The following LRRC20 variants were observed in gnomAD, a reference collection of about 807,000 sequenced individuals.
LRRC20 encodes leucine-rich repeat-containing protein 20.
In LRRC20, 11 loss-of-function variants were observed where a neutral mutation model predicts 14.4. The observed-to-expected ratio is 0.77, with a 90% confidence interval of 0.48 to 1.27. The LOEUF is 1.27. Among genes scored for constraint, LRRC20 ranks in the 50% most tolerant of loss-of-function variants. The pLI, the probability that LRRC20 is intolerant of heterozygous loss-of-function variation, is 0.00. For synonymous variants in LRRC20, 121 were observed against 107.3 expected (o/e 1.13, Z -0.79); for missense variants, 219 against 251.2 (o/e 0.87, Z 0.87).
intron 1 of LRRC20, among the ~76,000 whole-genome samples, chr10:70,377,694 G>A (rs1403130308): frequency 1.3e-5 from 2 of 152,216 alleles, no homozygotes; most frequent in Admixed American, 1.3e-4. Context: ...GGGGCATGGG[G>A]ACAGTGCTAA....
At chr10:70,316,613 C>T (rs978891676) in intron 4 of LRRC20, among the ~76,000 whole-genome samples, 1 of 152,250 alleles carries the variant, frequency 6.6e-6, no homozygotes, top group Non-Finnish European at 1.5e-5. Flanking sequence ...TGCTACTTCC[C>T]TGCAGGTGGA....
chr10:70,345,609 T>G (rs2137038090), intron 2 of LRRC20, among the ~76,000 whole-genome samples: 1 of 152,182 alleles, frequency 6.6e-6, no homozygotes, highest in Middle Eastern at 3.4e-3. Context: ...TAAGACCACC[T>G]GAGAAGGAAA....
chr10:70,350,146 C>A (rs1042793914), intron 2 of LRRC20, among the ~76,000 whole-genome samples: 1 of 146,410 alleles, frequency 6.8e-6, no homozygotes, highest in African/African-American at 2.8e-5. Context: ...CGGTCACAGA[C>A]CCCGACAGGG....
chr10:70,304,030 T>C (rs944505340), intron 4 of LRRC20, among the ~76,000 whole-genome samples: 6 of 152,180 alleles, frequency 3.9e-5, no homozygotes, highest in African/African-American at 1.4e-4. Context: ...CGCCTCAGTT[T>C]TTTTTTTAAA....
chr10:70,365,319 A>G (rs750345153), intron 2 of LRRC20, among the ~76,000 whole-genome samples: 1 of 152,034 alleles, frequency 6.6e-6, no homozygotes, highest in African/African-American at 2.4e-5. Context: ...CGGCCTCCCA[A>G]AGTTCTGGGA....
intron 3 of LRRC20, among the ~76,000 whole-genome samples, chr10:70,332,838 C>T (rs899515830): frequency 1.3e-4 from 20 of 152,218 alleles, no homozygotes; most frequent in East Asian, 3.8e-4. Context: ...TCTCTGGACA[C>T]GGACTTGGAT....
chr10:70,340,150 C>G (rs1177653154), intron 3 of LRRC20, among the ~76,000 whole-genome samples: 1 of 151,568 alleles, frequency 6.6e-6, no homozygotes, highest in Non-Finnish European at 1.5e-5. Context: ...AAAATGCCAA[C>G]ATCCCTGGCA....
At chr10:70,344,568 G>A (rs540452810) in intron 2 of LRRC20, among the ~76,000 whole-genome samples, 48 of 152,112 alleles carry the variant, frequency 3.2e-4, no homozygotes, top group African/African-American at 9.2e-4. Flanking sequence ...ATTTATTTTC[G>A]TTTTGTTTTG....
intron 2 of LRRC20, among the ~76,000 whole-genome samples, chr10:70,356,761 G>A (rs567081949): frequency 2.2e-4 from 34 of 151,644 alleles, no homozygotes; most frequent in African/African-American, 8.0e-4. Context: ...TGAGGCAGAA[G>A]AATTGCTTGA....
At chr10:70,319,968 G>A (rs372072939) in intron 4 of LRRC20, among the ~76,000 whole-genome samples, 4 of 152,164 alleles carry the variant, frequency 2.6e-5, no homozygotes, top group African/African-American at 4.8e-5. Flanking sequence ...CTGGGAAAGG[G>A]AGAAGCCCCT....
intron 4 of LRRC20, among the ~76,000 whole-genome samples, chr10:70,304,497 T>C (rs1841339974): frequency 7.8e-6 from 1 of 127,532 alleles, no homozygotes; most frequent in Non-Finnish European, 1.6e-5. Flanking sequence ...TATATATATA[T>C]ATATATATAT....
rs532757531 is a variant in LRRC20, at chr10:70,372,530, C to T, written c.82+3922G>A. ...AATCTCAGCTCACTGCAGGCTCCAC[C>T]TCCCAGGTTCACACCATTCTCCTGC... On this transcript the variant is annotated intron_variant, in intron 2 of 4. Coordinates refer to ENST00000446961, the MANE Select transcript of LRRC20 (RefSeq NM_001278212.2). Among the ~76,000 whole-genome samples the T allele has an allele frequency of 2.0e-5, 3 of 151,666 alleles. No individual in the cohort carries two copies. The East Asian group carries it at 5.9e-4, about 30-fold the overall frequency.
chr10:70,301,856 T>G (rs899135071), intron 4 of LRRC20, among the ~76,000 whole-genome samples: 12 of 152,226 alleles, frequency 7.9e-5, no homozygotes, highest in African/African-American at 2.7e-4. Flanking sequence ...ATAGCAGCAC[T>G]ATTTATAATA....
chr10:70,378,894 C>T (rs538449469), intron 1 of LRRC20, among the ~76,000 whole-genome samples: 2 of 152,148 alleles, frequency 1.3e-5, no homozygotes, highest in South Asian at 2.1e-4. Context: ...TGCAGTGAGC[C>T]GAGATCGTCC....
At chr10:70,327,328 A>C (rs113465103) in intron 3 of LRRC20, among the ~76,000 whole-genome samples, 2 of 151,024 alleles carry the variant, frequency 1.3e-5, no homozygotes, top group Admixed American at 6.6e-5. Flanking sequence ...TAATCCCAGC[A>C]GTTTGGGAGG....
intron 4 of LRRC20, 67 bp from the exon 5 acceptor site, chr10:70,301,575 G>A: frequency 1.3e-6 from 2 of 1,562,052 alleles, no homozygotes. Flanking sequence ...AGGACAATGG[G>A]CCATGAGGAC....
At chr10:70,311,409 A>G (rs1841663563) in intron 4 of LRRC20, among the ~76,000 whole-genome samples, 1 of 151,788 alleles carries the variant, frequency 6.6e-6, no homozygotes, top group African/African-American at 2.4e-5. Flanking sequence ...TTTAGTAGAG[A>G]TGGGATTTCA....
At chr10:70,375,441 C>T (rs1384794557) in intron 2 of LRRC20, among the ~76,000 whole-genome samples, 2 of 149,348 alleles carry the variant, frequency 1.3e-5, no homozygotes, top group Admixed American at 6.8e-5. Flanking sequence ...TGATCAAGCT[C>T]ATCCTGAAGG....
chr10:70,378,819 GC>G (rs1844605226), intron 1 of LRRC20, among the ~76,000 whole-genome samples: 1 of 148,404 alleles, frequency 6.7e-6, no homozygotes, highest in African/African-American at 2.5e-5. Context: ...GGTCGCACAT[GC>G]CTGTAATCCC....
Sources: gnomAD v4.1 joint callset for allele counts (sites outside exome capture counted in the v4.1 genomes callset) on GRCh38, gnomAD v4.1.1 for gene constraint, MANE v1.5 for transcripts, NCBI Gene and HGNC (gene_info 2026-07-23, HGNC 2026-07-21) for gene names.